The following PLXNA4 variants were observed in gnomAD, a reference collection of about 807,000 sequenced individuals.
PLXNA4 encodes plexin-A4.
PLXNA4 carries 44 observed loss-of-function variants against 191.8 expected under a neutral mutation model. That is an observed-to-expected ratio of 0.23 (90% CI 0.18 to 0.29). PLXNA4 has a LOEUF of 0.29. PLXNA4 is among the 10% of genes least tolerant of loss of function. PLXNA4 has a pLI of 1.00. For missense variants in PLXNA4, 1,800 were observed against 2,488.8 expected (o/e 0.72, Z 5.89); for synonymous variants, 1,082 against 1,009.5 (o/e 1.07, Z -1.36).
chr7:132,606,255 C>T (rs539147720), intron 2 of PLXNA4, among the ~76,000 whole-genome samples: 1 of 152,334 alleles, frequency 6.6e-6, no homozygotes, highest in Admixed American at 6.5e-5. Context: ...CCATAGGGAG[C>T]ATGGCCCTGC....
chr7:132,287,280 C>T (rs948338336), intron 4 of PLXNA4, among the ~76,000 whole-genome samples: 2 of 152,160 alleles, frequency 1.3e-5, no homozygotes, highest in Admixed American at 6.5e-5. Flanking sequence ...AGGCAATCTG[C>T]CCGCCTTGGT....
intron 3 of PLXNA4, among the ~76,000 whole-genome samples, chr7:132,456,020 G>A (rs768240995): frequency 9.9e-5 from 15 of 152,226 alleles, no homozygotes; most frequent in Non-Finnish European, 1.9e-4. Flanking sequence ...GGCCTGACAG[G>A]GCGCCGGTGG....
At chr7:132,393,569 T>A (rs1793613206) in intron 3 of PLXNA4, among the ~76,000 whole-genome samples, 2 of 152,294 alleles carry the variant, frequency 1.3e-5, no homozygotes, top group East Asian at 3.9e-4. Context: ...ATCTGAGAAA[T>A]ATTTAGTAAG....
intron 4 of PLXNA4, among the ~76,000 whole-genome samples, chr7:132,245,139 G>T (rs1456435746): frequency 6.6e-6 from 1 of 151,916 alleles, no homozygotes; most frequent in Non-Finnish European, 1.5e-5. Context: ...GCAGTGCCAG[G>T]CATGCTAATT....
At chr7:132,231,246 A>G (rs1162784332) in intron 5 of PLXNA4, among the ~76,000 whole-genome samples, 1 of 152,220 alleles carries the variant, frequency 6.6e-6, no homozygotes, top group African/African-American at 2.4e-5. Context: ...TGAGGATTAA[A>G]TGAGATTATG....
chr7:132,383,888 A>T, intron 3 of PLXNA4: 1 of 985,440 alleles, frequency 1.0e-6, no homozygotes. Flanking sequence ...TTCAATGCAC[A>T]CAGAGCCAGT....
chr7:132,180,574 T>C lies in PLXNA4; in HGVS notation c.3639+12A>G. 6.2e-7 allele frequency: 1 copy of C among 1,614,122 alleles called. No homozygotes were observed. Among genetic ancestry groups the C allele is most frequent in the Non-Finnish European group, 8.5e-7 (1 of 1,179,972 alleles). On this transcript the variant is annotated intron_variant, in intron 19 of 31. Transcript: ENST00000321063. Reference sequence around the variant, plus strand: ...GCCCGCTCCATCCAGGATGGGGTTCTGCCAGCCTCACCATCACTTTGTGCC... The same window carrying C: ...GCCCGCTCCATCCAGGATGGGGTTCCGCCAGCCTCACCATCACTTTGTGCC...
At chr7:132,240,933 CAAGG>C (rs1798856289) in intron 5 of PLXNA4, 129 bp downstream of exon 5, 1 of 590,938 alleles carries the variant, frequency 1.7e-6, no homozygotes, top group Non-Finnish European at 2.8e-6. Flanking sequence ...GGAAAGGATG[CAAGG>C]AAGGAAGAGC....
intron 3 of PLXNA4, chr7:132,385,078 T>C: frequency 6.5e-7 from 1 of 1,538,482 alleles, no homozygotes; most frequent in South Asian, 1.2e-5. Flanking sequence ...ACATGAGCTA[T>C]GATGTATGGC....
intron 21 of PLXNA4, among the ~76,000 whole-genome samples, chr7:132,169,380 T>C (rs1294605846): frequency 6.6e-6 from 1 of 152,206 alleles, no homozygotes; most frequent in Non-Finnish European, 1.5e-5. Flanking sequence ...GGCCCACCTC[T>C]GAGATGTCCA....
At chr7:132,401,229 G>T (rs774634528) in intron 3 of PLXNA4, among the ~76,000 whole-genome samples, 3 of 152,218 alleles carry the variant, frequency 2.0e-5, no homozygotes, top group African/African-American at 7.2e-5. Flanking sequence ...ATGATGCCAC[G>T]TGGAGGGGAG....
intron 2 of PLXNA4, among the ~76,000 whole-genome samples, chr7:132,624,459 G>A (rs1375911516): frequency 6.6e-6 from 1 of 152,122 alleles, no homozygotes; most frequent in Non-Finnish European, 1.5e-5. Context: ...GCCAAATAGT[G>A]GAAATGTTTA....
intron 2 of PLXNA4, among the ~76,000 whole-genome samples, chr7:132,587,058 G>T (rs541400686): frequency 1.3e-5 from 2 of 152,180 alleles, no homozygotes; most frequent in African/African-American, 4.8e-5. Context: ...AAGCAGTCCC[G>T]CTCAACTTTG....
chr7:132,407,663 T>A, intron 3 of PLXNA4, among the ~76,000 whole-genome samples: 1 of 152,192 alleles, frequency 6.6e-6, no homozygotes, highest in East Asian at 1.9e-4. Context: ...AGGGTGGGCA[T>A]CAGTTTGAGG....
rs114727609 is a variant in PLXNA4, at chr7:132,149,136, G to A, written c.4661-490C>T. ...GGGTGTATCCTACAGGGTGAAACTG[G>A]CAGGTGTGTCACCCTTGTCAGGGAG... On this transcript the variant is annotated intron_variant, in intron 25 of 31. Coordinates refer to ENST00000321063, the MANE Select transcript of PLXNA4 (RefSeq NM_020911.2). 4.8e-3 allele frequency among the ~76,000 whole-genome samples: 738 copies of A among 152,232 alleles called. 5 individuals are homozygous for A. Among genetic ancestry groups the A allele is most frequent in the African/African-American group, 0.017 (687 of 41,534 alleles).
At chr7:132,439,351 A>G (rs1164967729) in intron 3 of PLXNA4, among the ~76,000 whole-genome samples, 1 of 152,214 alleles carries the variant, frequency 6.6e-6, no homozygotes, top group Non-Finnish European at 1.5e-5. Flanking sequence ...ATGTGTGGCC[A>G]GCTACACTTT....
At chr7:132,187,406 C>T in intron 15 of PLXNA4, 65 bp downstream of exon 15, 1 of 1,556,710 alleles carries the variant, frequency 6.4e-7, no homozygotes, top group Non-Finnish European at 8.7e-7. Flanking sequence ...CAAAGCTACC[C>T]TGAAGTCATT....
intron 3 of PLXNA4, among the ~76,000 whole-genome samples, chr7:132,374,265 G>T (rs1188036335): frequency 6.6e-6 from 1 of 152,136 alleles, no homozygotes; most frequent in East Asian, 1.9e-4. Context: ...ACTCCTTAAG[G>T]TTCCCATTAG....
At chr7:132,258,728 T>C (rs1294269968) in intron 4 of PLXNA4, among the ~76,000 whole-genome samples, 1 of 152,100 alleles carries the variant, frequency 6.6e-6, no homozygotes, top group Non-Finnish European at 1.5e-5. Context: ...GGAAAACACC[T>C]GGGAAGAAGA....
Sources: allele counts gnomAD v4.1 joint callset (sites outside exome capture counted in the v4.1 genomes callset), GRCh38; gene constraint gnomAD v4.1.1; transcripts MANE v1.5; gene names NCBI Gene and HGNC (gene_info 2026-07-23, HGNC 2026-07-21).